HCN1: variants seen among roughly 807,000 people sequenced by gnomAD.
The protein encoded by HCN1 is potassium/sodium hyperpolarization-activated cyclic nucleotide-gated channel 1.
HCN1 carries 13 observed loss-of-function variants against 78.9 expected under a neutral mutation model. The ratio of observed to expected loss-of-function variants is 0.16; its 90% CI spans 0.11 to 0.26. The LOEUF is 0.26. HCN1 is among the 10% of genes least tolerant of loss of function. The pLI is 1.00. For missense variants in HCN1, 810 were observed against 1,154.3 expected (o/e 0.70, Z 4.32); for synonymous variants, 552 against 455.5 (o/e 1.21, Z -2.70).
In HCN1 at chr5:45,343,855, T is replaced by C. The variant is rs568427459; in HGVS notation, c.1377+9245A>G. 1.7e-4 allele frequency among the ~76,000 whole-genome samples: 25 copies of C among 151,336 alleles called. 1 individual carries two copies. In the South Asian group the frequency reaches 5.2e-3, roughly 32 times the overall value. On this transcript the variant is annotated intron_variant, in intron 5 of 7. Coordinates refer to ENST00000303230, the MANE Select transcript of HCN1 (RefSeq NM_021072.4). Reference sequence around the variant, plus strand: ...CAGTGTTAAAGAAGCCAAAAAAAAATTAAAAATAAAAAAAATATATATATT... The same window carrying C: ...CAGTGTTAAAGAAGCCAAAAAAAAACTAAAAATAAAAAAAATATATATATT...
At position 45,470,195 on chromosome 5, in the gene HCN1, T is replaced by TC. The variant is rs1741362560; in HGVS notation, c.850-8189_850-8188insG. 2.6e-5 allele frequency among the ~76,000 whole-genome samples: 4 copies of TC among 152,122 alleles called. No individual in the cohort carries two copies. In the East Asian group the frequency reaches 7.7e-4, roughly 29 times the overall value. ...GCCAGTCAAGTGCGGAATATTAATTTATTTGAGTGGGTTTGTGTCAGAGAT... is the reference window on the plus strand; with the variant it reads ...GCCAGTCAAGTGCGGAATATTAATTTCATTTGAGTGGGTTTGTGTCAGAGAT... On this transcript the variant is annotated intron_variant, in intron 2 of 7. Coordinates refer to ENST00000303230, the MANE Select transcript of HCN1 (RefSeq NM_021072.4).
At chr5:45,370,377 A>G (rs1747328852) in intron 4 of HCN1, among the ~76,000 whole-genome samples, 1 of 151,836 alleles carries the variant, frequency 6.6e-6, no homozygotes, top group African/African-American at 2.4e-5. Flanking sequence ...TTTTTTTTCT[A>G]TATTAAAGTA....
chr5:45,278,181 C>T (rs1045876573), intron 6 of HCN1, among the ~76,000 whole-genome samples: 8 of 152,038 alleles, frequency 5.3e-5, no homozygotes, highest in African/African-American at 1.4e-4. Flanking sequence ...GAAGTTCATA[C>T]CAGTCCATTT....
intron 2 of HCN1, among the ~76,000 whole-genome samples, chr5:45,554,380 C>T (rs1416101076): frequency 6.6e-6 from 1 of 151,700 alleles, no homozygotes; most frequent in African/African-American, 2.4e-5. Flanking sequence ...TGTAATCTAT[C>T]AAGCTATTAT....
chr5:45,666,705 A>T (rs1246559260), intron 1 of HCN1, among the ~76,000 whole-genome samples: 2 of 152,070 alleles, frequency 1.3e-5, no homozygotes, highest in Non-Finnish European at 2.9e-5. Context: ...CCATTATATT[A>T]TATCACCATT....
chr5:45,660,238 T>C (rs373139768), intron 1 of HCN1, among the ~76,000 whole-genome samples: 4 of 112,928 alleles, frequency 3.5e-5, no homozygotes, highest in South Asian at 6.0e-4. Flanking sequence ...AAATACTTTA[T>C]AGACAAGCAA....
chr5:45,353,079 A>T, intron 5 of HCN1, 21 bp downstream of exon 5: 3 of 1,587,366 alleles, frequency 1.9e-6, no homozygotes, highest in Non-Finnish European at 1.7e-6. Context: ...TATTATGCAT[A>T]CTGAGGACAA....
At chr5:45,673,269 T>C (rs1746194320) in intron 1 of HCN1, among the ~76,000 whole-genome samples, 1 of 151,588 alleles carries the variant, frequency 6.6e-6, no homozygotes, top group Non-Finnish European at 1.5e-5. Context: ...CAAGTGTATA[T>C]ACTATCAACA....
chr5:45,304,633 C>A (rs1298381767), intron 5 of HCN1, among the ~76,000 whole-genome samples: 1 of 152,076 alleles, frequency 6.6e-6, no homozygotes, highest in Non-Finnish European at 1.5e-5. Flanking sequence ...CAAGATCATA[C>A]CACTGCACTC....
intron 1 of HCN1, among the ~76,000 whole-genome samples, chr5:45,681,101 C>T (rs1048518935): frequency 2.0e-5 from 3 of 152,076 alleles, no homozygotes; most frequent in Admixed American, 6.6e-5. Flanking sequence ...GTGCAAATTC[C>T]ATCCCAGTTT....
chr5:45,393,690 G>C (rs1342170034), intron 4 of HCN1, among the ~76,000 whole-genome samples: 1 of 152,104 alleles, frequency 6.6e-6, no homozygotes, highest in Admixed American at 6.6e-5. Flanking sequence ...ATTTGACCAG[G>C]GCATTGTTTT....
intron 1 of HCN1, among the ~76,000 whole-genome samples, chr5:45,650,756 CAAG>C (rs1371543674): frequency 6.6e-6 from 1 of 151,906 alleles, no homozygotes; most frequent in Non-Finnish European, 1.5e-5. Flanking sequence ...GATACTAAAT[CAAG>C]AAGAATTTCA....
At chr5:45,566,247 C>CT (rs1018109566) in intron 2 of HCN1, among the ~76,000 whole-genome samples, 1 of 151,996 alleles carries the variant, frequency 6.6e-6, no homozygotes, top group Non-Finnish European at 1.5e-5. Context: ...CTGGTTGTCT[C>CT]TTTTTTAGGT....
intron 1 of HCN1, among the ~76,000 whole-genome samples, chr5:45,654,786 A>G: frequency 6.6e-6 from 1 of 152,318 alleles, no homozygotes; most frequent in East Asian, 1.9e-4. Flanking sequence ...AAAAGAAAAT[A>G]GTGATTGAAT....
At chr5:45,345,049 T>C (rs534063058) in intron 5 of HCN1, among the ~76,000 whole-genome samples, 4 of 152,296 alleles carry the variant, frequency 2.6e-5, no homozygotes, top group Non-Finnish European at 5.9e-5. Flanking sequence ...CTCTGAAATC[T>C]AGGTGGAGGT....
In HCN1 at chr5:45,554,954, T is replaced by G. The variant is rs141721567; in HGVS notation, c.849+90231A>C. 2.1e-3 allele frequency among the ~76,000 whole-genome samples: 325 copies of G among 151,994 alleles called. 2 individuals are homozygous for G. Among genetic ancestry groups the G allele is most frequent in the Middle Eastern group, 6.8e-3 (2 of 294 alleles). On this transcript the variant is annotated intron_variant, in intron 2 of 7. Coordinates refer to ENST00000303230, the MANE Select transcript of HCN1 (RefSeq NM_021072.4). Reference sequence around the variant, plus strand: ...ATGTAAATAAGAGATTTCCTTTTAATGAAACACATTTTACTGCTGTTTTGA... The same window carrying G: ...ATGTAAATAAGAGATTTCCTTTTAAGGAAACACATTTTACTGCTGTTTTGA...
At chr5:45,484,375 A>C (rs1321141226) in intron 2 of HCN1, among the ~76,000 whole-genome samples, 1 of 152,144 alleles carries the variant, frequency 6.6e-6, no homozygotes, top group Non-Finnish European at 1.5e-5. Flanking sequence ...TGGAGCTTGC[A>C]GTAAGCCAAG....
chr5:45,516,845 T>C (rs942201406), intron 2 of HCN1, among the ~76,000 whole-genome samples: 5 of 151,780 alleles, frequency 3.3e-5, no homozygotes, highest in African/African-American at 1.2e-4. Context: ...GAGTCCACTA[T>C]GCATTTAAAA....
intron 2 of HCN1, among the ~76,000 whole-genome samples, chr5:45,540,883 C>T (rs545409849): frequency 6.6e-6 from 1 of 152,070 alleles, no homozygotes; most frequent in East Asian, 1.9e-4. Flanking sequence ...TTTTCAATCG[C>T]ATGTTCTTAA....
Sources: gnomAD v4.1 joint callset for allele counts (sites outside exome capture counted in the v4.1 genomes callset) on GRCh38, gnomAD v4.1.1 for gene constraint, MANE v1.5 for transcripts, NCBI Gene and HGNC (gene_info 2026-07-23, HGNC 2026-07-21) for gene names.